Variants in EFCAB5 observed in about 807,000 individuals in gnomAD.
EFCAB5 encodes the protein EF-hand calcium binding domain 5, also known as EF-hand calcium-binding domain-containing protein 5.
Under a neutral mutation model 167.9 loss-of-function variants are expected in EFCAB5, and 131 were observed. The ratio of observed to expected loss-of-function variants is 0.78; its 90% CI spans 0.68 to 0.90. EFCAB5 has a LOEUF of 0.90. Among genes scored for constraint, EFCAB5 ranks in the 40% least tolerant of loss-of-function variants. The pLI is 0.00. For missense variants in EFCAB5, 1,663 were observed against 1,745.2 expected, an observed-to-expected ratio of 0.95 and a Z score of 0.84; for synonymous variants, 574 against 602.8, an observed-to-expected ratio of 0.95 and a Z score of 0.70.
In EFCAB5 at chr17:30,057,751, T is replaced by C. The variant is rs1175985528; in HGVS notation, c.2441T>C (p.Phe814Ser). ...AGAACTGCCTTCAATGGAGTTTCAT[T>C]CAATCTGCTCCAGTTTGTGCAACTC... ...KGRTAFNGVS[F>S]NLLQFVQLLE... The change falls in exon 13 of 23, where the codon TTC (phenylalanine) becomes TCC (serine). Residue 814 changes from phenylalanine (F) to serine (S), a missense_variant. By Grantham distance (155) the Phe-to-Ser change is radical. Transcript: ENST00000394835. The C allele has an allele frequency of 6.2e-7, 1 of 1,613,740 alleles. No individual in the cohort carries two copies. The highest frequency in any genetic ancestry group is 8.5e-7 in the Non-Finnish European group (1 of 1,179,798).
At chr17:30,048,038 G>T (rs1351072767) in intron 8 of EFCAB5, among the ~76,000 whole-genome samples, 1 of 152,178 alleles carries the variant, frequency 6.6e-6, no homozygotes, top group Non-Finnish European at 1.5e-5. Context: ...ACCAGATATT[G>T]ATTCCAAGTT....
At chr17:30,028,566 A>G (rs192082714) in intron 7 of EFCAB5, among the ~76,000 whole-genome samples, 1 of 152,310 alleles carries the variant, frequency 6.6e-6, no homozygotes, top group East Asian at 1.9e-4. Context: ...CTACCCTCCA[A>G]TTGGATGTGT....
chr17:29,955,926 C>G (rs117178009), intron 3 of EFCAB5, among the ~76,000 whole-genome samples: 3,397 of 152,222 alleles, frequency 0.022, 49 homozygotes, highest in Non-Finnish European at 0.032. Flanking sequence ...ATATACAGGG[C>G]TACAGTAATC....
At chr17:29,989,192 C>G (rs2071356360) in intron 4 of EFCAB5, among the ~76,000 whole-genome samples, 1 of 152,100 alleles carries the variant, frequency 6.6e-6, no homozygotes. Flanking sequence ...ACTAAGGTCC[C>G]CAAGTAGGAA....
At chr17:29,935,245 T>C (rs2067235412) in intron 1 of EFCAB5, among the ~76,000 whole-genome samples, 1 of 152,182 alleles carries the variant, frequency 6.6e-6, no homozygotes, top group Non-Finnish European at 1.5e-5. Context: ...TTTAACTGTG[T>C]CCTGACAGGA....
chr17:30,087,730 T>G (rs2071116528), intron 19 of EFCAB5, among the ~76,000 whole-genome samples: 1 of 152,220 alleles, frequency 6.6e-6, no homozygotes, highest in Admixed American at 6.5e-5. Context: ...TCTTTGCTAC[T>G]GTGAATAGTG....
At chr17:30,068,117 A>C (rs1321596815) in intron 14 of EFCAB5, among the ~76,000 whole-genome samples, 2 of 152,202 alleles carry the variant, frequency 1.3e-5, no homozygotes, top group African/African-American at 4.8e-5. Flanking sequence ...CATCCTGGCT[A>C]ACACGGTGAA....
In EFCAB5 at chr17:30,073,774, C is replaced by T. The variant is rs1477987677; in HGVS notation, c.2738-4441C>T. 1.6e-5 allele frequency: 10 copies of T among 622,282 alleles called. No homozygotes were observed. In the Admixed American group the frequency reaches 2.0e-4, roughly 12 times the overall value. The allele number at this position is 622,282 out of a possible 1,614,324, so 38.5% of individuals were successfully genotyped here. ...TGCATCCCATACTCCTATCAAGATA[C>T]AGAACAAAGAGCACTGTGACACTCA... On this transcript the variant is annotated intron_variant, in intron 14 of 22. Coordinates refer to ENST00000394835, the MANE Select transcript of EFCAB5 (RefSeq NM_198529.4).
At chr17:30,067,381 A>G (rs916371375) in intron 14 of EFCAB5, among the ~76,000 whole-genome samples, 7 of 152,190 alleles carry the variant, frequency 4.6e-5, no homozygotes, top group Admixed American at 3.3e-4. Flanking sequence ...TTGGGGGGCC[A>G]GGGCAGGAGG....
At chr17:30,025,598 A>G (rs1049775547) in intron 7 of EFCAB5, among the ~76,000 whole-genome samples, 100 of 152,284 alleles carry the variant, frequency 6.6e-4, no homozygotes, top group African/African-American at 2.3e-3. Context: ...AACCATTGTG[A>G]AAGTCAGTGT....
chr17:30,095,090 G>A (rs2071270326), intron 22 of EFCAB5, among the ~76,000 whole-genome samples: 1 of 152,118 alleles, frequency 6.6e-6, no homozygotes, highest in Admixed American at 6.5e-5. Flanking sequence ...ACTGCTGCAT[G>A]TCTCCCTCCC....
chr17:30,003,230 G>A (rs1320424611), intron 7 of EFCAB5, among the ~76,000 whole-genome samples: 1 of 151,818 alleles, frequency 6.6e-6, no homozygotes, highest in African/African-American at 2.4e-5. Flanking sequence ...TATTTCAGTA[G>A]TTTTTGTTGT....
chr17:30,033,207 T>C (rs2069525422), intron 7 of EFCAB5, among the ~76,000 whole-genome samples: 1 of 151,928 alleles, frequency 6.6e-6, no homozygotes, highest in Non-Finnish European at 1.5e-5. Context: ...GCTTCCCGAG[T>C]AGCTGGGACT....
intron 8 of EFCAB5, among the ~76,000 whole-genome samples, chr17:30,046,605 C>T (rs1278297326): frequency 6.6e-6 from 1 of 152,160 alleles, no homozygotes; most frequent in East Asian, 1.9e-4. Context: ...AAAGTTAGCA[C>T]ATTGGAAAAT....
At chr17:29,982,209 G>A (rs993366882) in intron 4 of EFCAB5, among the ~76,000 whole-genome samples, 88 of 152,296 alleles carry the variant, frequency 5.8e-4, no homozygotes, top group African/African-American at 2.1e-3. Context: ...CGAGGCGGAT[G>A]GATCACAAGG....
At chr17:30,007,330 A>G (rs1055996934) in intron 7 of EFCAB5, among the ~76,000 whole-genome samples, 6 of 152,168 alleles carry the variant, frequency 3.9e-5, no homozygotes, top group Non-Finnish European at 7.3e-5. Context: ...TTTCATATTT[A>G]TTGGGAAATA....
intron 17 of EFCAB5, among the ~76,000 whole-genome samples, chr17:30,082,454 G>A (rs373672906): frequency 1.9e-4 from 26 of 137,314 alleles, no homozygotes; most frequent in African/African-American, 2.8e-4. Flanking sequence ...GCAGTGTTGC[G>A]ATCTCAGCTC....
At chr17:30,097,025 CATATACATATACATATACATATACATAT>C (rs1567777300) in intron 22 of EFCAB5, among the ~76,000 whole-genome samples, 6 of 118,266 alleles carry the variant, frequency 5.1e-5, no homozygotes, top group African/African-American at 2.4e-4. Flanking sequence ...TATACATATA[CATATACATATACATATACATATACATAT>C]ATATATATTT....
Position 29,996,544 on chromosome 17 carries a change from A to G in EFCAB5, c.973+184A>G, listed in dbSNP as rs970184516. 4.6e-5 allele frequency among the ~76,000 whole-genome samples: 7 copies of G among 152,188 alleles called. No individual in the cohort carries two copies. The East Asian group carries it at 1.2e-3, about 25-fold the overall frequency. On this transcript the variant is annotated intron_variant, in intron 6 of 22. Coordinates refer to ENST00000394835, the MANE Select transcript of EFCAB5 (RefSeq NM_198529.4). Reference sequence around the variant, plus strand: ...GCAGAAAAGCAATCTGTGATTCTCAATCCTTTTAGTCTGGTGTCCATTTTA... The same window carrying G: ...GCAGAAAAGCAATCTGTGATTCTCAGTCCTTTTAGTCTGGTGTCCATTTTA...
Sources: allele counts gnomAD v4.1 joint callset (sites outside exome capture counted in the v4.1 genomes callset), GRCh38; gene constraint gnomAD v4.1.1; transcripts MANE v1.5; gene names NCBI Gene and HGNC (gene_info 2026-07-23, HGNC 2026-07-21).